Variants in MACF1 observed in about 807,000 individuals in gnomAD.
The protein encoded by MACF1 is microtubule-actin cross-linking factor 1.
A neutral mutation model predicts 854.8 loss-of-function variants in MACF1; 193 were observed. That is an observed-to-expected ratio of 0.23 (90% CI 0.20 to 0.25). The LOEUF is 0.25. MACF1 is among the 10% of genes least tolerant of loss of function. The pLI is 1.00. For synonymous variants in MACF1, 3,185 were observed against 3,226.7 expected (o/e 0.99, Z 0.44); for missense variants, 7,722 against 8,929.1 (o/e 0.86, Z 5.45).
chr1:39,362,767 T>C (rs1178184092), intron 49 of MACF1, among the ~76,000 whole-genome samples: 1 of 152,204 alleles, frequency 6.6e-6, no homozygotes, highest in Non-Finnish European at 1.5e-5. Context: ...ATCTGGACAC[T>C]AGATGAGCTA....
At chr1:39,327,929 C>T (rs1646646650) in intron 36 of MACF1, among the ~76,000 whole-genome samples, 1 of 152,146 alleles carries the variant, frequency 6.6e-6, no homozygotes, top group African/African-American at 2.4e-5. Context: ...TACTGGTTGT[C>T]CTAAGTTCTT....
intron 2 of MACF1, among the ~76,000 whole-genome samples, chr1:39,149,451 C>T (rs1195991849): frequency 3.3e-5 from 5 of 151,812 alleles, no homozygotes; most frequent in Non-Finnish European, 5.9e-5. Flanking sequence ...TCACTTGAAC[C>T]GGGGAGGCGG....
rs552097688 is a variant in MACF1 at position 39,310,766 on chromosome 1, A to G, written c.3101-65A>G. On this transcript the variant is annotated intron_variant, in intron 25 of 100. Transcript: ENST00000564288. ...TAAATAAAGCCTTGCTTTCATTAGT[A>G]GGATATCAGGTCTGCTTATCTCTGA... The G allele has an allele frequency of 2.8e-6, 4 of 1,435,744 alleles. No individual in the cohort carries two copies. In the East Asian group the frequency reaches 9.2e-5, roughly 33 times the overall value. The allele number at this position is 1,435,744 out of a possible 1,614,324, so 88.9% of individuals were successfully genotyped here. A position where few individuals can be genotyped will look rare whatever the true frequency, so the allele number is the denominator to read the frequency against.
chr1:39,435,965 G>A, intron 70 of MACF1: 1 of 564,106 alleles, frequency 1.8e-6, no homozygotes, highest in East Asian at 2.9e-5. Context: ...AGTGAAATGA[G>A]TCTTGGCTGG....
intron 58 of MACF1, among the ~76,000 whole-genome samples, chr1:39,398,924 T>C (rs567305290): frequency 6.6e-6 from 1 of 152,318 alleles, no homozygotes; most frequent in African/African-American, 2.4e-5. Flanking sequence ...CTCAGTGTGA[T>C]TTTATCAGAC....
At chr1:39,138,746 C>T (rs1407960573) in intron 2 of MACF1, among the ~76,000 whole-genome samples, 1 of 151,926 alleles carries the variant, frequency 6.6e-6, no homozygotes, top group African/African-American at 2.4e-5. Flanking sequence ...CTCACTGCAA[C>T]CTCCGCCTCC....
At chr1:39,182,912 T>C (rs1644123384) in intron 2 of MACF1, among the ~76,000 whole-genome samples, 1 of 152,204 alleles carries the variant, frequency 6.6e-6, no homozygotes, top group South Asian at 2.1e-4. Context: ...TAAATGTTCA[T>C]AGCAGCATTA....
intron 7 of MACF1, 51 bp downstream of exon 7, chr1:39,282,425 G>C: frequency 6.5e-7 from 1 of 1,549,966 alleles, no homozygotes; most frequent in Non-Finnish European, 8.8e-7. Context: ...CTCATCTCTT[G>C]TTTGTAATTA....
At chr1:39,449,787 C>G (rs1281594779) in intron 84 of MACF1, among the ~76,000 whole-genome samples, 1 of 151,368 alleles carries the variant, frequency 6.6e-6, no homozygotes. Flanking sequence ...AACTCCTGGG[C>G]TCAAGGGATC....
intron 43 of MACF1, among the ~76,000 whole-genome samples, chr1:39,351,939 A>G (rs1326616513): frequency 2.0e-5 from 3 of 152,114 alleles, no homozygotes; most frequent in Non-Finnish European, 2.9e-5. Flanking sequence ...AGTACTAGGG[A>G]AAAATATCTA....
At chr1:39,205,282 G>C (rs187780434) in intron 1 of MACF1, among the ~76,000 whole-genome samples, 151 bp downstream of exon 1, 1 of 152,134 alleles carries the variant, frequency 6.6e-6, no homozygotes, top group African/African-American at 2.4e-5. Context: ...GTGTGTGTGA[G>C]TATAATGAAG....
chr1:39,210,913 C>T (rs1644506934), intron 1 of MACF1, among the ~76,000 whole-genome samples: 2 of 151,542 alleles, frequency 1.3e-5, no homozygotes, highest in Non-Finnish European at 2.9e-5. Flanking sequence ...AGTTGTTTTC[C>T]CCTCTCTCCC....
At position 39,258,040 on chromosome 1, in the gene MACF1, G is replaced by A; in HGVS notation, c.528+12G>A. ...TTTTGCATTTCCAGGTAGGGCATGT[G>A]AAGTTTGGAATTCCTGTTGCTTTGT... On this transcript the variant is annotated intron_variant, in intron 6 of 100. Coordinates refer to ENST00000564288, the MANE Select transcript of MACF1 (RefSeq NM_001394062.1). 6.2e-7 allele frequency: 1 copy of A among 1,610,048 alleles called. No individual in the cohort carries two copies. Among genetic ancestry groups the A allele is most frequent in the Non-Finnish European group, 8.5e-7 (1 of 1,176,284 alleles).
At chr1:39,318,246 CA>C (rs1276746974) in intron 29 of MACF1, among the ~76,000 whole-genome samples, 3 of 152,148 alleles carry the variant, frequency 2.0e-5, no homozygotes, top group African/African-American at 7.2e-5. Flanking sequence ...TAGCAGGTCA[CA>C]ACTGGTTTCT....
chr1:39,460,532 A>C lies in MACF1; in HGVS notation c.21361-100A>C. 1 of 1,002,324 alleles carries C rather than the reference A, an allele frequency of 1.0e-6. No homozygotes were observed. Among genetic ancestry groups the C allele is most frequent in the Admixed American group, 1.9e-5 (1 of 52,638 alleles). The allele number at this position is 1,002,324 out of a possible 1,614,324, so 62.1% of individuals were successfully genotyped here. A position where few individuals can be genotyped will look rare whatever the true frequency, so the allele number is the denominator to read the frequency against. ...AGATTTCATTGTTGATGGCCCCTGGAAGCATGGCTTTACTGAATGTCTGAA... is the reference window on the plus strand; with the variant it reads ...AGATTTCATTGTTGATGGCCCCTGGCAGCATGGCTTTACTGAATGTCTGAA... On this transcript the variant is annotated intron_variant, in intron 91 of 100. Coordinates refer to ENST00000564288, the MANE Select transcript of MACF1 (RefSeq NM_001394062.1). This position sits in a 1 kb window ranked among gnomAD's most constrained non-coding sequence, Gnocchi z 4.1.
At chr1:39,338,752 C>T (rs1646873036) in intron 38 of MACF1, among the ~76,000 whole-genome samples, 3 of 152,244 alleles carry the variant, frequency 2.0e-5, no homozygotes, top group East Asian at 1.9e-4. Context: ...TCCTTGCTCC[C>T]GCTATGGTTT....
chr1:39,284,408 G>A lies in MACF1; in HGVS notation c.1111G>A (p.Glu371Lys). The change falls in exon 11 of 101, where the codon GAA (glutamate) becomes AAA (lysine). Residue 371 changes from glutamate (E) to lysine (K), a missense_variant. By Grantham distance (56) the Glu-to-Lys change is moderately conservative. Transcript: ENST00000564288. ...GGAGAGAGAAAAAGGAAGAATTGAG[G>A]AATTATATAAATTACTAGAGGTAAG... ...AKEREKGRIE[E>K]LYKLLEVWIE... The A allele has an allele frequency of 6.2e-7, 1 of 1,601,828 alleles. No individual in the cohort carries two copies. Among genetic ancestry groups the A allele is most frequent in the Non-Finnish European group, 8.5e-7 (1 of 1,174,774 alleles).
In MACF1 at chr1:39,442,702, A is replaced by C. The variant is rs747732851; in HGVS notation, c.19105-12A>C. 3.2e-5 allele frequency: 52 copies of C among 1,613,434 alleles called. No individual in the cohort carries two copies. The highest frequency in any genetic ancestry group is 5.0e-5 in the Admixed American group (3 of 60,006). On this transcript the variant is annotated splice_polypyrimidine_tract_variant and intron_variant, in intron 77 of 100. Transcript: ENST00000564288. Reference sequence around the variant, plus strand: ...TCCATAGAGATAAATTATGTTGTTCAACATGTTTTAGGTCCTAAAAAATGA... The same window carrying C: ...TCCATAGAGATAAATTATGTTGTTCCACATGTTTTAGGTCCTAAAAAATGA...
rs376868067 is a variant in MACF1 at position 39,402,085 on chromosome 1, G to A, written c.15816+13427G>A. ...AAATTAGCCAGGCTTGGTGGTGGGT[G>A]CCTATAATTCCAGCTACATAGGAGG... On this transcript the variant is annotated intron_variant, in intron 58 of 100. Transcript: ENST00000564288. Among the ~76,000 whole-genome samples the A allele has an allele frequency of 4.0e-3, 615 of 152,098 alleles. 1 individual carries two copies. Among genetic ancestry groups the A allele is most frequent in the Non-Finnish European group, 7.2e-3 (488 of 67,958 alleles).
Sources: gnomAD v4.1 joint callset for allele counts (sites outside exome capture counted in the v4.1 genomes callset) on GRCh38, gnomAD v4.1.1 for gene constraint, Gnocchi (gnomAD v3.1) non-coding constraint, MANE v1.5 for transcripts, NCBI Gene and HGNC (gene_info 2026-07-23, HGNC 2026-07-21) for gene names.